Variants in ZNFX1 observed in about 807,000 individuals in gnomAD.
The protein encoded by ZNFX1 is NFX1-type zinc finger-containing protein 1.
ZNFX1 carries 78 observed loss-of-function variants against 179.8 expected under a neutral mutation model. That is an observed-to-expected ratio of 0.43 (90% CI 0.36 to 0.52). The LOEUF (loss-of-function observed/expected upper bound fraction) is 0.52. Among genes scored for constraint, ZNFX1 ranks in the 20% least tolerant of loss-of-function variants. ZNFX1 has a pLI of 0.00. For synonymous variants in ZNFX1, 848 were observed against 868.5 expected (o/e 0.98, Z 0.42); for missense variants, 1,927 against 2,386.6 (o/e 0.81, Z 4.01).
chr20:49,252,164 A>G (rs1258361270), intron 12 of ZNFX1, among the ~76,000 whole-genome samples: 2 of 142,112 alleles, frequency 1.4e-5, no homozygotes, highest in African/African-American at 5.3e-5. Context: ...TTTTTCTGAG[A>G]CAGAATCTAG....
At chr20:49,250,827 T>C (rs1174945223) in intron 13 of ZNFX1, among the ~76,000 whole-genome samples, 1 of 152,142 alleles carries the variant, frequency 6.6e-6, no homozygotes, top group Non-Finnish European at 1.5e-5. Flanking sequence ...GCTGAGATTA[T>C]AGGCATGAGC....
rs1341713594 is a variant in ZNFX1 at position 49,255,843 on chromosome 20, C to G, written c.2769G>C (p.Trp923Cys). 2 of 1,613,988 alleles carry G rather than the reference C, an allele frequency of 1.2e-6. No individual in the cohort carries two copies. The change falls in exon 9 of 14, where the codon TGG (tryptophan) becomes TGC (cysteine). Residue 923 changes from tryptophan (W) to cysteine (C), a missense_variant. Trp to Cys is a radical substitution (Grantham distance 215, BLOSUM62 -2). Coordinates refer to ENST00000396105, the MANE Select transcript of ZNFX1 (RefSeq NM_021035.3). ...GCCAGCGAGAACTGAGGTCCAGCTG[C>G]CAAACATCCTCGATCTCGTTGGCCT... ...AAEANEIEDV[W>C]QLDLSSRWQL...
Position 49,252,786 on chromosome 20 carries a change from G to A in ZNFX1, c.3150C>T (p.Asn1050=). ...ANVYDLAKNF[N]LEVSLFERLV... ...GCCGTTCAAAAAGGGACACCTCAAGGTTGAAGTTCTTGGCCAGATCATACA... is the reference window on the plus strand; with the variant it reads ...GCCGTTCAAAAAGGGACACCTCAAGATTGAAGTTCTTGGCCAGATCATACA... Residue 1050 remains asparagine (N), a synonymous_variant, in exon 12 of 14, where the codon AAC becomes AAT. Transcript: ENST00000396105. The A allele has an allele frequency of 6.2e-7, 1 of 1,614,104 alleles. No individual in the cohort carries two copies. Among genetic ancestry groups the A allele is most frequent in the Non-Finnish European group, 8.5e-7 (1 of 1,180,006 alleles).
intron 2 of ZNFX1, among the ~76,000 whole-genome samples, chr20:49,275,360 C>T (rs766790359): frequency 3.6e-4 from 55 of 151,170 alleles, no homozygotes; most frequent in Non-Finnish European, 7.1e-4. Context: ...GAGACAAGGT[C>T]TTTCTGTCAC....
intron 11 of ZNFX1, among the ~76,000 whole-genome samples, chr20:49,253,219 C>T (rs1980887262): frequency 6.6e-6 from 1 of 152,090 alleles, no homozygotes; most frequent in African/African-American, 2.4e-5. Context: ...ATCACATAAG[C>T]CTTTGTGGGC....
intron 6 of ZNFX1, among the ~76,000 whole-genome samples, chr20:49,262,588 A>T (rs1981141449): frequency 6.6e-6 from 1 of 152,044 alleles, no homozygotes; most frequent in African/African-American, 2.4e-5. Context: ...TTAATATTTC[A>T]AATCTAGATT....
chr20:49,275,892 A>G lies in ZNFX1; in HGVS notation c.-48-5T>C. 6.3e-7 allele frequency: 1 copy of G among 1,595,224 alleles called. No individual in the cohort carries two copies. The highest frequency in any genetic ancestry group is 2.2e-5 in the East Asian group (1 of 44,814). ...TACTTTCTGTTATCTGGAAAACTGCACATGTTGAGTTATCAGTGTCCTCGA... is the reference window on the plus strand; with the variant it reads ...TACTTTCTGTTATCTGGAAAACTGCGCATGTTGAGTTATCAGTGTCCTCGA... On this transcript the variant is annotated splice_region_variant and splice_polypyrimidine_tract_variant and intron_variant, in intron 1 of 13. Transcript: ENST00000396105.
Position 49,249,326 on chromosome 20 carries a change from T to C in ZNFX1, c.3698A>G (p.Asn1233Ser). ...RAKKGMYCIGNMQMLAKVPLW... is the reference protein window; with the variant it reads ...RAKKGMYCIGSMQMLAKVPLW... ...GGGCACCTTGGCCAGCATCTGCATGTTTCCGATGCAGTACATTCCCTTCTT... is the reference window on the plus strand; with the variant it reads ...GGGCACCTTGGCCAGCATCTGCATGCTTCCGATGCAGTACATTCCCTTCTT... The change falls in exon 14 of 14, where the codon AAC (asparagine) becomes AGC (serine). Residue 1233 changes from asparagine (N) to serine (S), a missense_variant. Physicochemically the swap from Asn to Ser is conservative, Grantham distance 46. Transcript: ENST00000396105. 2 of 1,614,248 alleles carry C rather than the reference T, an allele frequency of 1.2e-6. No homozygotes were observed. Among genetic ancestry groups the C allele is most frequent in the Non-Finnish European group, 1.7e-6 (2 of 1,180,042 alleles).
rs1980923820 is a variant in ZNFX1, at chr20:49,254,606, G to A, written c.2848C>T (p.Leu950Phe). ...GTGCGGTACTGGCGTTCATAGCTGA[G>A]GATCTTCCGGCGGGTGTCAGCCTGG... The part of the protein sequence containing the change: ...LYQADTRRKI[L>F]SYERQYRTSA... The change falls in exon 10 of 14, where the codon CTC becomes TTC. Residue 950 changes from leucine (L) to phenylalanine (F), a missense_variant. Leu to Phe is a conservative substitution (Grantham distance 22). Coordinates refer to ENST00000396105, the MANE Select transcript of ZNFX1 (RefSeq NM_021035.3). The A allele has an allele frequency of 6.2e-7, 1 of 1,614,016 alleles. No individual in the cohort carries two copies. The highest frequency in any genetic ancestry group is 1.7e-5 in the Admixed American group (1 of 60,010).
chr20:49,263,192 T>C, intron 6 of ZNFX1, 142 bp downstream of exon 6: 2 of 1,043,398 alleles, frequency 1.9e-6, no homozygotes, highest in Non-Finnish European at 2.7e-6. Flanking sequence ...TTCAGCTGCC[T>C]CTCATCACAA....
At chr20:49,263,529 C>T in intron 5 of ZNFX1, 46 bp from the exon 6 acceptor site, 3 of 1,546,986 alleles carry the variant, frequency 1.9e-6, no homozygotes, top group Non-Finnish European at 8.8e-7. Flanking sequence ...TATCATCATC[C>T]CCCAAACTCA....
At chr20:49,257,787 T>C in intron 7 of ZNFX1, 123 bp from the exon 8 acceptor site, 1 of 1,422,178 alleles carries the variant, frequency 7.0e-7, no homozygotes, top group Non-Finnish European at 9.2e-7. Flanking sequence ...TTGCAACCTC[T>C]GCCTCCTGGG....
intron 3 of ZNFX1, among the ~76,000 whole-genome samples, chr20:49,268,199 G>A (rs1156404783): frequency 6.6e-6 from 1 of 152,186 alleles, no homozygotes; most frequent in East Asian, 1.9e-4. Context: ...TTTAGTAATG[G>A]CTTCTATTTC....
Position 49,271,132 on chromosome 20 carries a change from C to G in ZNFX1, c.680G>C (p.Gly227Ala), listed in dbSNP as rs764457529. Reference sequence around the variant, plus strand: ...GTCAGGGATGGGTTCAGTGATCATCCCTACCACATAAGCAGGCAGGCAGAC... The same window carrying G: ...GTCAGGGATGGGTTCAGTGATCATCGCTACCACATAAGCAGGCAGGCAGAC... ...LKVCLPAYVVGMITEPIPDIR... is the reference protein window; with the variant it reads ...LKVCLPAYVVAMITEPIPDIR... Residue 227 changes from glycine (G) to alanine (A), a missense_variant, in exon 3 of 14, where the codon GGG (glycine) becomes GCG (alanine). Gly to Ala is a moderately conservative substitution (Grantham distance 60). Coordinates refer to ENST00000396105, the MANE Select transcript of ZNFX1 (RefSeq NM_021035.3). 7.4e-6 allele frequency: 12 copies of G among 1,613,958 alleles called. No homozygotes were observed. The African/African-American group carries it at 1.6e-4, about 22-fold the overall frequency.
rs964926247 is a variant in ZNFX1 at position 49,246,276 on chromosome 20, C to G, written c.*991G>C. On this transcript the variant is annotated 3_prime_UTR_variant, in exon 14 of 14. Transcript: ENST00000396105. Reference sequence around the variant, plus strand: ...TGTCAGCAGGTAAAGAAACTTCTACCATCCCAAAGTGCAGGTTACAGGAAA... The same window carrying G: ...TGTCAGCAGGTAAAGAAACTTCTACGATCCCAAAGTGCAGGTTACAGGAAA... 1 of 152,498 alleles carries G rather than the reference C, an allele frequency of 6.6e-6. No individual in the cohort carries two copies. Among genetic ancestry groups the G allele is most frequent in the African/African-American group, 2.4e-5 (1 of 41,444 alleles). 9.4% of individuals were successfully genotyped at this position (152,498 alleles called of 1,614,324 possible).
rs1235791941 is a variant in ZNFX1 at position 49,249,109 on chromosome 20, G to T, written c.3915C>A (p.Ala1305=). 7 of 1,614,252 alleles carry T rather than the reference G, an allele frequency of 4.3e-6. No individual in the cohort carries two copies. In the South Asian group the frequency reaches 4.4e-5, roughly 10 times the overall value. ...RLGCGHVCTR[A]CHPYDSSHKE... is the part of the protein sequence containing the mutation. ...TGTGTGAAGAGTCATAAGGGTGGCA[G>T]GCACGGGTGCAGACATGCCCACAGC... The change falls in exon 14 of 14, where the codon GCC becomes GCA. Residue 1305 remains alanine (A), a synonymous_variant. Transcript: ENST00000396105.
rs369966875 is a variant in ZNFX1 at position 49,277,093 on chromosome 20, T to A, written c.-49+928A>T. Among the ~76,000 whole-genome samples, 37 of 151,472 alleles carry A rather than the reference T, an allele frequency of 2.4e-4. No homozygotes were observed. In the South Asian group the frequency reaches 6.7e-3, roughly 27 times the overall value. On this transcript the variant is annotated intron_variant, in intron 1 of 13. Coordinates refer to ENST00000396105, the MANE Select transcript of ZNFX1 (RefSeq NM_021035.3). ...TGCTGGGATCGAAAACAGACTGAAG[T>A]GTTTTTTTTTGGTGGGGGGAATCAA... is the stretch of plus-strand genomic sequence containing the variant.
rs1417677871 is a variant in ZNFX1 at position 49,248,000 on chromosome 20, T to G, written c.5024A>C (p.His1675Pro). 1 of 1,614,088 alleles carries G rather than the reference T, an allele frequency of 6.2e-7. No homozygotes were observed. The highest frequency in any genetic ancestry group is 1.7e-5 in the Admixed American group (1 of 60,016). Residue 1675 changes from histidine (H) to proline (P), a missense_variant, in exon 14 of 14, where the codon CAC (histidine) becomes CCC (proline). His to Pro is a moderately conservative substitution (Grantham distance 77, BLOSUM62 -2). Coordinates refer to ENST00000396105, the MANE Select transcript of ZNFX1 (RefSeq NM_021035.3). The stretch of plus-strand genomic sequence containing the variant: ...CAGGAAGTCTTCAGGAAGCAGCTGG[T>G]GGAGGAGGCTCTTCCTCTCCAGCAG... Reference protein sequence around the residue: ...KALLERKSLLHQLLPEDFLML... With the variant: ...KALLERKSLLPQLLPEDFLML...
intron 12 of ZNFX1, 128 bp from the exon 13 acceptor site, chr20:49,251,750 C>T: frequency 3.0e-6 from 2 of 669,140 alleles, no homozygotes; most frequent in South Asian, 2.2e-5. Flanking sequence ...GTAATCCCAT[C>T]ACTTTGGGAA....
Sources: gnomAD v4.1 joint callset for allele counts (sites outside exome capture counted in the v4.1 genomes callset) on GRCh38, gnomAD v4.1.1 for gene constraint, MANE v1.5 for transcripts, NCBI Gene and HGNC (gene_info 2026-07-23, HGNC 2026-07-21) for gene names.